TAF2: variants seen among roughly 807,000 people sequenced by gnomAD.
The protein encoded by TAF2 is TATA-box binding protein associated factor 2.
In TAF2, 61 loss-of-function variants were observed where a neutral mutation model predicts 138.5. That is an observed-to-expected ratio of 0.44 (90% confidence interval 0.36 to 0.54). The LOEUF is 0.54. Among genes scored for constraint, TAF2 ranks in the 20% least tolerant of loss-of-function variants. The pLI, the probability that TAF2 is intolerant of heterozygous loss-of-function variation, is 0.00. For synonymous variants in TAF2, 475 were observed against 469.9 expected, an observed-to-expected ratio of 1.01 and a Z score of -0.14; for missense variants, 1,090 against 1,427.9, an observed-to-expected ratio of 0.76 and a Z score of 3.81.
At chr8:119,757,334 T>G (rs1378279047) in intron 21 of TAF2, among the ~76,000 whole-genome samples, 5 of 152,186 alleles carry the variant, frequency 3.3e-5, no homozygotes, top group Non-Finnish European at 5.9e-5. Flanking sequence ...ATATAAATCT[T>G]TATGGATATT....
At chr8:119,768,266 G>A (rs554289494) in intron 18 of TAF2, among the ~76,000 whole-genome samples, 28 of 152,214 alleles carry the variant, frequency 1.8e-4, no homozygotes, top group Non-Finnish European at 2.9e-4. Context: ...ATACACCATC[G>A]AGCAGGCCAT....
chr8:119,793,348 T>A lies in TAF2; in HGVS notation c.1277+18A>T. 6.3e-7 allele frequency: 1 copy of A among 1,587,754 alleles called. No homozygotes were observed. The highest frequency in any genetic ancestry group is 8.6e-7 in the Non-Finnish European group (1 of 1,156,402). On this transcript the variant is annotated intron_variant, in intron 10 of 25. Transcript: ENST00000378164. ...TATAGTCAAGGTTTATAATATCATCTCTGAACAATAAACATACTTATCCTT... is the reference window on the plus strand; with the variant it reads ...TATAGTCAAGGTTTATAATATCATCACTGAACAATAAACATACTTATCCTT...
chr8:119,831,903 G>A (rs1826472940), intron 1 of TAF2, among the ~76,000 whole-genome samples, 172 bp from the exon 2 acceptor site: 1 of 152,152 alleles, frequency 6.6e-6, no homozygotes, highest in Non-Finnish European at 1.5e-5. Context: ...GCTCACGCCT[G>A]TAATCCCAGC....
chr8:119,803,938 T>C lies in TAF2; in HGVS notation c.500A>G (p.Glu167Gly). ...GGLHFVVPSV[E>G]GSMAERGAHV... Reference sequence around the variant, plus strand: ...AGCACCTCTCTCTGCCATACTTCCCTCTACACTGGGTACCACAAAATGAAG... The same window carrying C: ...AGCACCTCTCTCTGCCATACTTCCCCCTACACTGGGTACCACAAAATGAAG... Residue 167 changes from glutamate to glycine, a missense_variant, in exon 5 of 26, where the codon GAG becomes GGG. Glu to Gly is a moderately conservative substitution (Grantham distance 98). Around this residue, in one of 3 missense-constraint regions of TAF2, gnomAD observed 504 missense variants for 680.9 expected, o/e 0.74. Coordinates refer to ENST00000378164, the MANE Select transcript of TAF2 (RefSeq NM_003184.4). 1 of 1,614,088 alleles carries C rather than the reference T, an allele frequency of 6.2e-7. No individual in the cohort carries two copies. Among genetic ancestry groups the C allele is most frequent in the Non-Finnish European group, 8.5e-7 (1 of 1,179,998 alleles).
At chr8:119,821,287 A>T (rs1825790573) in intron 2 of TAF2, among the ~76,000 whole-genome samples, 1 of 152,078 alleles carries the variant, frequency 6.6e-6, no homozygotes, top group Non-Finnish European at 1.5e-5. Context: ...CGGGTCATCT[A>T]GCTTCTCACT....
At chr8:119,752,163 T>C (rs910807049) in intron 22 of TAF2, among the ~76,000 whole-genome samples, 9 of 152,140 alleles carry the variant, frequency 5.9e-5, no homozygotes, top group South Asian at 2.1e-4. Flanking sequence ...TGATTATGCA[T>C]TGTATTATTC....
chr8:119,809,658 C>T (rs1424884662), intron 3 of TAF2, among the ~76,000 whole-genome samples: 1 of 152,046 alleles, frequency 6.6e-6, no homozygotes, highest in Non-Finnish European at 1.5e-5. Context: ...ATTAATTGAC[C>T]TAATTTCAAT....
intron 18 of TAF2, among the ~76,000 whole-genome samples, chr8:119,764,313 G>A (rs1821280446): frequency 6.6e-6 from 1 of 152,090 alleles, no homozygotes; most frequent in Admixed American, 6.5e-5. Context: ...GCTATCCTTA[G>A]TATTCTGAAG....
intron 1 of TAF2, among the ~76,000 whole-genome samples, chr8:119,832,152 G>C (rs1347972216): frequency 6.6e-6 from 1 of 150,540 alleles, no homozygotes; most frequent in Admixed American, 6.6e-5. Context: ...GAGAGACTCC[G>C]TCTTAAAAAT....
intron 18 of TAF2, among the ~76,000 whole-genome samples, chr8:119,771,307 C>T (rs1821816977): frequency 6.6e-6 from 1 of 151,988 alleles, no homozygotes; most frequent in Non-Finnish European, 1.5e-5. Flanking sequence ...GCAACCTCGG[C>T]TCACTGCAAC....
intron 14 of TAF2, among the ~76,000 whole-genome samples, chr8:119,786,928 G>C (rs1001278659): frequency 6.6e-6 from 1 of 151,994 alleles, no homozygotes; most frequent in Non-Finnish European, 1.5e-5. Flanking sequence ...AAAAAAATTA[G>C]GTACACCTAA....
At chr8:119,771,887 G>A (rs948619837) in intron 18 of TAF2, among the ~76,000 whole-genome samples, 2 of 152,098 alleles carry the variant, frequency 1.3e-5, no homozygotes, top group South Asian at 2.1e-4. Context: ...CAGAATATAC[G>A]TTTTTCTCAT....
intron 6 of TAF2, 150 bp from the exon 7 acceptor site, chr8:119,797,996 T>A (rs1161133872): frequency 2.5e-6 from 2 of 785,116 alleles, no homozygotes; most frequent in African/African-American, 3.5e-5. Flanking sequence ...GTGAAAATAG[T>A]GATCACTTTT....
intron 22 of TAF2, among the ~76,000 whole-genome samples, chr8:119,748,920 A>G (rs945516288): frequency 7.3e-6 from 1 of 136,398 alleles, no homozygotes; most frequent in African/African-American, 2.5e-5. Flanking sequence ...TATCAGTTAA[A>G]AAAAAAAAAA....
chr8:119,735,467 A>G (rs938713043), intron 25 of TAF2, among the ~76,000 whole-genome samples: 1 of 152,210 alleles, frequency 6.6e-6, no homozygotes, highest in East Asian at 1.9e-4. Context: ...TTCAAGTGGT[A>G]TTTGACTCCT....
In TAF2 at chr8:119,832,648, T is replaced by C; in HGVS notation, c.-84A>G. Reference sequence around the variant, plus strand: ...GTCTTTGGCACCTCACACTCTCCACTCCCCTGCGGTCCCCAAGTCACGTCT... The same window carrying C: ...GTCTTTGGCACCTCACACTCTCCACCCCCCTGCGGTCCCCAAGTCACGTCT... On this transcript the variant is annotated 5_prime_UTR_variant, in exon 1 of 26. Transcript: ENST00000378164. 7.8e-7 allele frequency: 1 copy of C among 1,277,600 alleles called. No individual in the cohort carries two copies. Among genetic ancestry groups the C allele is most frequent in the Non-Finnish European group, 1.1e-6 (1 of 912,672 alleles). The allele number at this position is 1,277,600 out of a possible 1,614,324, so 79.1% of individuals were successfully genotyped here. A position where few individuals can be genotyped will look rare whatever the true frequency, so the allele number is the denominator to read the frequency against.
intron 2 of TAF2, among the ~76,000 whole-genome samples, chr8:119,829,517 T>TTG (rs371823307): frequency 4.6e-5 from 7 of 151,512 alleles, no homozygotes; most frequent in East Asian, 1.9e-4. Flanking sequence ...CTCAATTAAC[T>TTG]TGTGTGTGTG....
intron 3 of TAF2, among the ~76,000 whole-genome samples, chr8:119,810,200 T>C (rs1357450721): frequency 6.6e-6 from 1 of 152,090 alleles, no homozygotes; most frequent in Non-Finnish European, 1.5e-5. Context: ...AGTTCTATCA[T>C]CCCCAAAAAG....
chr8:119,745,432 C>CTATGTAA (rs371054766), intron 23 of TAF2, among the ~76,000 whole-genome samples: 24,702 of 152,002 alleles, frequency 0.16, 3,510 homozygotes, highest in African/African-American at 0.38. Flanking sequence ...CTTACTTCTT[C>CTATGTAA]ATAACCCAAA....
Sources: gnomAD v4.1 joint callset for allele counts (sites outside exome capture counted in the v4.1 genomes callset) on GRCh38, gnomAD v4.1.1 for gene constraint, gnomAD v4.1.1 regional missense constraint, MANE v1.5 for transcripts, NCBI Gene and HGNC (gene_info 2026-07-23, HGNC 2026-07-21) for gene names.